The following KANTR variants were observed in gnomAD, a reference collection of about 807,000 sequenced individuals.
KANTR encodes the protein KANTR integral membrane protein, also known as KDM5C adjacent transcript.
intron 2 of KANTR, among the ~76,000 whole-genome samples, chrX:53,100,283 C>T (rs1249085350): frequency 9.4e-6 from 1 of 106,356 alleles, no homozygotes; most frequent in Non-Finnish European, 1.9e-5. Context: ...GAGTTCGAGA[C>T]CAGGCTGACC....
downstream of KANTR, chrX:53,143,223 G>A: frequency 1.5e-6 from 1 of 664,785 alleles, no homozygotes; most frequent in Non-Finnish European, 2.5e-6. Flanking sequence ...CTCCAGGGAG[G>A]AGGAGGATGT....
At chrX:53,124,196 G>T in exon 3 of KANTR, 38 of 268,939 alleles carry the variant, frequency 1.4e-4, no homozygotes, top group Non-Finnish European at 1.6e-4. Flanking sequence ...TCTAGGAGTT[G>T]GTCCATTTTG....
At chrX:53,118,318 T>C (rs1029088267) in intron 2 of KANTR, among the ~76,000 whole-genome samples, 11 of 112,091 alleles carry the variant, frequency 9.8e-5, no homozygotes, top group Admixed American at 9.5e-4. Flanking sequence ...TTGTCCTCCT[T>C]CTTATTTTTT....
At chrX:53,109,510 C>T (rs1409738528) in intron 2 of KANTR, among the ~76,000 whole-genome samples, 1 of 112,174 alleles carries the variant, frequency 8.9e-6, no homozygotes, top group Non-Finnish European at 1.9e-5. Flanking sequence ...CTTCAAACCC[C>T]TGACCTCAGG....
rs923335754 is a variant in KANTR, at chrX:53,103,632, T to C, written c.-805+4024T>C. On this transcript the variant is annotated intron_variant, in intron 2 of 2. Transcript: ENST00000604062. ...TCTCTACTTGCTCCATTGCATTTTCTATCCTACCCTCCTAGATGATGATTG... is the reference window on the plus strand; with the variant it reads ...TCTCTACTTGCTCCATTGCATTTTCCATCCTACCCTCCTAGATGATGATTG... Among the ~76,000 whole-genome samples, 3 of 111,847 alleles carry C rather than the reference T, an allele frequency of 2.7e-5. No individual in the cohort carries two copies. In the Admixed American group the frequency reaches 2.9e-4, roughly 11 times the overall value.
chrX:53,136,853 C>T (rs1289947144), intron 2 of KANTR, among the ~76,000 whole-genome samples: 2 of 95,990 alleles, frequency 2.1e-5, no homozygotes, highest in African/African-American at 3.7e-5. Context: ...AAACAATTCT[C>T]CTGGCTCAGC....
intron 1 of KANTR, among the ~76,000 whole-genome samples, chrX:53,097,395 C>T (rs1055169666): frequency 5.6e-4 from 48 of 85,014 alleles, no homozygotes; most frequent in African/African-American, 1.9e-3. Context: ...CTCTGTCACC[C>T]AGGCTAGAAT....
intron 2 of KANTR, among the ~76,000 whole-genome samples, chrX:53,105,752 G>A (rs781974494): frequency 1.9e-5 from 2 of 106,833 alleles, no homozygotes; most frequent in South Asian, 8.4e-4. Context: ...CACCTGCCTC[G>A]GCCTCCCAAA....
chrX:53,126,980 C>T (rs1933297662), exon 3 of KANTR: 1 of 111,404 alleles, frequency 9.0e-6, no homozygotes, highest in Admixed American at 9.6e-5. Context: ...TACCTTGTCT[C>T]CTATCACTCT....
At chrX:53,127,636 T>G (rs1327383814), downstream of KANTR, among the ~76,000 whole-genome samples, 1 of 111,697 alleles carries the variant, frequency 9.0e-6, no homozygotes, top group Non-Finnish European at 1.9e-5. Context: ...GGTAGGGTTG[T>G]GGCAAAGCCC....
chrX:53,112,610 G>C (rs1287434659), intron 2 of KANTR, among the ~76,000 whole-genome samples: 1 of 110,888 alleles, frequency 9.0e-6, no homozygotes, highest in Non-Finnish European at 1.9e-5. Flanking sequence ...AGCCTTATTA[G>C]AACTCCTGTA....
intron 2 of KANTR, among the ~76,000 whole-genome samples, chrX:53,141,401 T>A (rs1933500039): frequency 8.9e-6 from 1 of 111,842 alleles, no homozygotes; most frequent in Non-Finnish European, 1.9e-5. Flanking sequence ...TGTGCATATG[T>A]GTAGTATTTA....
At chrX:53,115,694 C>T (rs782259163) in intron 2 of KANTR, among the ~76,000 whole-genome samples, 89 of 113,006 alleles carry the variant, frequency 7.9e-4, no homozygotes, top group African/African-American at 2.7e-3. Context: ...GTGCTTACTT[C>T]CTTTCTCTTC....
At chrX:53,143,067 C>T, downstream of KANTR, 1 of 1,204,043 alleles carries the variant, frequency 8.3e-7, no homozygotes, top group Non-Finnish European at 1.1e-6. Context: ...CCACGTCACA[C>T]TTCATGATGG....
At chrX:53,135,895 A>G (rs1933414272) in intron 2 of KANTR, among the ~76,000 whole-genome samples, 1 of 112,113 alleles carries the variant, frequency 8.9e-6, no homozygotes, top group Non-Finnish European at 1.9e-5. Flanking sequence ...CCATACTGGC[A>G]GAAGAGGGAA....
intron 2 of KANTR, among the ~76,000 whole-genome samples, chrX:53,100,035 A>G (rs1237527458): frequency 2.7e-5 from 3 of 112,312 alleles, no homozygotes; most frequent in African/African-American, 9.7e-5. Context: ...TAAAATGAAC[A>G]CTGGCTTCAA....
downstream of KANTR, chrX:53,142,825 TA>T: frequency 4.1e-6 from 2 of 489,145 alleles, no homozygotes; most frequent in Non-Finnish European, 7.5e-6. Context: ...GCAGTCCATT[TA>T]GAGGCATTTG....
intron 2 of KANTR, among the ~76,000 whole-genome samples, chrX:53,108,707 CT>C (rs144256115): frequency 3.9e-5 from 4 of 102,720 alleles, no homozygotes; most frequent in African/African-American, 7.0e-5. Flanking sequence ...GTCTGAATGC[CT>C]TTTTTTTTTT....
intron 2 of KANTR, among the ~76,000 whole-genome samples, chrX:53,102,734 C>G (rs1423344104): frequency 6.3e-5 from 7 of 111,635 alleles, no homozygotes; most frequent in African/African-American, 2.3e-4. Context: ...AGCTACCACT[C>G]TGTATCATCA....
Sources: gnomAD v4.1 joint callset for allele counts (sites outside exome capture counted in the v4.1 genomes callset) on GRCh38, gnomAD v4.1.1 for gene constraint, MANE v1.5 for transcripts, NCBI Gene and HGNC (gene_info 2026-07-23, HGNC 2026-07-21) for gene names.